Variants in WWC1 observed in about 807,000 individuals in gnomAD.
The protein encoded by WWC1 is protein KIBRA.
In WWC1, 55 loss-of-function variants were observed where a neutral mutation model predicts 138.4. The observed-to-expected ratio is 0.40, with a 90% CI of 0.32 to 0.50. The LOEUF (loss-of-function observed/expected upper bound fraction) is 0.50, where lower values mean the gene tolerates loss of function less well. Among genes scored for constraint, WWC1 ranks in the 20% least tolerant of loss-of-function variants. The pLI is 0.72. For missense variants in WWC1, 1,226 were observed against 1,420.4 expected (o/e 0.86, Z 2.20); for synonymous variants, 524 against 564.9 (o/e 0.93, Z 1.03).
At chr5:168,351,363 C>T (rs1355285317) in intron 1 of WWC1, among the ~76,000 whole-genome samples, 2 of 152,098 alleles carry the variant, frequency 1.3e-5, no homozygotes, top group Non-Finnish European at 2.9e-5. Context: ...TTTTTTCCTG[C>T]CTTGCAAGTG....
At position 168,444,571 on chromosome 5, in the gene WWC1, A is replaced by G; in HGVS notation, c.2511A>G (p.Thr837=). ...KRQEGRSSTQ[T]LEDSWRYEET... is the part of the protein sequence containing the mutation. ...AGGAGGGCAGGAGCAGCACACAGAC[A>G]CTGGAAGACAGCTGGTGAGTGAGCC... The change falls in exon 17 of 23, where the codon ACA becomes ACG. Residue 837 remains threonine (T), a synonymous_variant. Coordinates refer to ENST00000265293, the MANE Select transcript of WWC1 (RefSeq NM_015238.3). 2 of 1,613,050 alleles carry G rather than the reference A, an allele frequency of 1.2e-6. No homozygotes were observed. Among genetic ancestry groups the G allele is most frequent in the Non-Finnish European group, 1.7e-6 (2 of 1,179,734 alleles).
At chr5:168,364,522 G>A (rs114168944) in intron 1 of WWC1, among the ~76,000 whole-genome samples, 236 of 152,344 alleles carry the variant, frequency 1.5e-3, no homozygotes, top group African/African-American at 5.3e-3. Context: ...TGGAGTGTGA[G>A]TCTTGTTCCC....
chr5:168,444,706 C>A, intron 17 of WWC1, 121 bp downstream of exon 17: 3 of 1,026,194 alleles, frequency 2.9e-6, no homozygotes, highest in Non-Finnish European at 4.4e-6. Flanking sequence ...GAGAACCCCT[C>A]TCCTCATGGG....
chr5:168,366,649 C>T (rs964929278), intron 1 of WWC1, among the ~76,000 whole-genome samples: 1 of 152,108 alleles, frequency 6.6e-6, no homozygotes, highest in Non-Finnish European at 1.5e-5. Context: ...TTGGCTCTGA[C>T]ATCTCAACGT....
intron 2 of WWC1, among the ~76,000 whole-genome samples, chr5:168,375,187 G>A (rs1328385661): frequency 1.3e-5 from 2 of 152,102 alleles, no homozygotes; most frequent in South Asian, 4.1e-4. Flanking sequence ...AAGACACTAA[G>A]TTGGTTGGGA....
In WWC1 at chr5:168,397,800, G is replaced by T; in HGVS notation, c.510G>T (p.Arg170=). 6.2e-7 allele frequency: 1 copy of T among 1,613,992 alleles called. No individual in the cohort carries two copies. The highest frequency in any genetic ancestry group is 2.2e-5 in the East Asian group (1 of 44,870). Residue 170 remains arginine (R), a splice_region_variant and synonymous_variant, in exon 4 of 23, where the codon CGG becomes CGT. Coordinates refer to ENST00000265293, the MANE Select transcript of WWC1 (RefSeq NM_015238.3). The part of the protein sequence containing the change: ...LKAEIATAKS[R]VNKLKREMVH... ...CTGAAATTGCCACTGCAAAATCCCG[G>T]GTAGGACCTCTTCACCTATGCTATG...
rs763416152 is a variant in WWC1 at position 168,351,239 on chromosome 5, G to A, written c.120-20185G>A. 4.2e-4 allele frequency among the ~76,000 whole-genome samples: 64 copies of A among 152,132 alleles called. 1 individual carries two copies. The highest frequency in any genetic ancestry group is 1.6e-4 in the Non-Finnish European group (11 of 68,026). ...TAGTTAACAAAGGAGCCTGGCAGAG[G>A]TTGGAGTAGTTAAAGACACAGTAGC... is the stretch of plus-strand genomic sequence containing the variant. On this transcript the variant is annotated intron_variant, in intron 1 of 22. Coordinates refer to ENST00000265293, the MANE Select transcript of WWC1 (RefSeq NM_015238.3).
intron 2 of WWC1, among the ~76,000 whole-genome samples, chr5:168,374,296 A>G (rs1466824764): frequency 6.6e-6 from 1 of 152,208 alleles, no homozygotes; most frequent in Non-Finnish European, 1.5e-5. Context: ...GTACACAGAA[A>G]AAAGGAGCAA....
In WWC1 at chr5:168,397,732, G is replaced by A; in HGVS notation, c.442G>A (p.Gly148Ser). The A allele has an allele frequency of 6.2e-7, 1 of 1,613,906 alleles. No individual in the cohort carries two copies. Among genetic ancestry groups the A allele is most frequent in the Admixed American group, 1.7e-5 (1 of 60,010 alleles). ...KLGSQVSLVS[G>S]SSSSSKYDPE... is the part of the protein sequence containing the mutation. ...TTCTTTTTTCCTTACAGTGGTCTCT[G>A]GTTCATCATCCAGCTCCAAGTATGA... Residue 148 changes from glycine to serine, a missense_variant, in exon 4 of 23, where the codon GGT becomes AGT. Around this residue, in one of 3 missense-constraint regions of WWC1, gnomAD observed 1,016 missense variants for 1,153.9 expected, o/e 0.88. Transcript: ENST00000265293.
At chr5:168,425,970 C>G (rs1781471470) in intron 11 of WWC1, among the ~76,000 whole-genome samples, 1 of 152,210 alleles carries the variant, frequency 6.6e-6, no homozygotes, top group African/African-American at 2.4e-5. Context: ...AAAGCTGGTG[C>G]TCCTGGCTCC....
intron 15 of WWC1, among the ~76,000 whole-genome samples, chr5:168,438,854 A>G (rs971018321): frequency 3.3e-5 from 5 of 152,126 alleles, no homozygotes; most frequent in African/African-American, 4.8e-5. Context: ...CTGTGAGCTT[A>G]TAGTCAGTCA....
intron 6 of WWC1, 31 bp downstream of exon 6, chr5:168,406,358 T>G (rs1158652384): frequency 6.2e-7 from 1 of 1,611,354 alleles, no homozygotes; most frequent in Non-Finnish European, 8.5e-7. Flanking sequence ...GTGGGTGCCA[T>G]CTTGATTTCT....
chr5:168,428,737 CAG>C lies in WWC1; in HGVS notation c.1951_1952del (p.Ser651Ter), dbSNP rs1429651627. 6.2e-7 allele frequency: 1 copy of C among 1,613,852 alleles called. No individual in the cohort carries two copies. The highest frequency in any genetic ancestry group is 8.5e-7 in the Non-Finnish European group (1 of 1,179,940). ...GTGCTTCAGAAGCTGCTGCATTTGACAGTGACGAATCGGAAGCAGTGGGTGCG... is the reference window on the plus strand; with the variant it reads ...GTGCTTCAGAAGCTGCTGCATTTGACTGACGAATCGGAAGCAGTGGGTGCG... ...LGASEAAAFD[S>X]DESEAVGATR... is the part of the protein sequence containing the mutation. On this transcript the variant is annotated frameshift_variant, in exon 13 of 23. Coordinates refer to ENST00000265293, the MANE Select transcript of WWC1 (RefSeq NM_015238.3). LOFTEE classifies it high-confidence loss of function.
chr5:168,377,948 T>C (rs1777344064), intron 2 of WWC1, among the ~76,000 whole-genome samples: 2 of 152,194 alleles, frequency 1.3e-5, no homozygotes, highest in South Asian at 2.1e-4. Context: ...AGGAAAGATA[T>C]CACTCTACCA....
intron 1 of WWC1, among the ~76,000 whole-genome samples, chr5:168,366,739 CCCCAT>C (rs1776320497): frequency 6.6e-6 from 1 of 152,004 alleles, no homozygotes; most frequent in South Asian, 2.1e-4. Context: ...GTCCTCCTAA[CCCCAT>C]CTCCATCCTC....
At chr5:168,431,798 G>A (rs1262523131) in intron 15 of WWC1, among the ~76,000 whole-genome samples, 1 of 152,122 alleles carries the variant, frequency 6.6e-6, no homozygotes, top group Admixed American at 6.5e-5. Flanking sequence ...ATGGCTGTGT[G>A]GTGGCTTATA....
chr5:168,316,824 A>T (rs1771641371), intron 1 of WWC1: 1 of 152,152 alleles, frequency 6.6e-6, no homozygotes, highest in Admixed American at 6.6e-5. Context: ...GGTTTTGGCA[A>T]TTACTGAGTT....
chr5:168,366,571 A>G (rs1776304395), intron 1 of WWC1, among the ~76,000 whole-genome samples: 1 of 152,204 alleles, frequency 6.6e-6, no homozygotes, highest in Non-Finnish European at 1.5e-5. Flanking sequence ...AAGTGGAATC[A>G]GCATTGTGTC....
At chr5:168,342,417 C>T (rs1239023737) in intron 1 of WWC1, among the ~76,000 whole-genome samples, 1 of 152,136 alleles carries the variant, frequency 6.6e-6, no homozygotes, top group African/African-American at 2.4e-5. Flanking sequence ...GGTGAATGCA[C>T]ACCCACAAGT....
Sources: gnomAD v4.1 joint callset for allele counts (sites outside exome capture counted in the v4.1 genomes callset) on GRCh38, gnomAD v4.1.1 for gene constraint, gnomAD v4.1.1 regional missense constraint, MANE v1.5 for transcripts, NCBI Gene and HGNC (gene_info 2026-07-23, HGNC 2026-07-21) for gene names.